STK32B: variants seen among roughly 807,000 people sequenced by gnomAD.
The protein encoded by STK32B is serine/threonine kinase 32B, also known as serine/threonine-protein kinase 32B.
STK32B carries 43 observed loss-of-function variants against 52.6 expected under a neutral mutation model. That is an observed-to-expected ratio of 0.82 (90% CI 0.64 to 1.05). STK32B has a LOEUF of 1.05. Among genes scored for constraint, STK32B ranks in the 50% least tolerant of loss-of-function variants. STK32B has a pLI of 0.00. For synonymous variants in STK32B, 238 were observed against 204.3 expected, an observed-to-expected ratio of 1.17 and a Z score of -1.41; for missense variants, 621 against 534.6, an observed-to-expected ratio of 1.16 and a Z score of -1.59.
At chr4:5,160,273 A>G (rs1453456639) in intron 2 of STK32B, among the ~76,000 whole-genome samples, 2 of 152,192 alleles carry the variant, frequency 1.3e-5, no homozygotes, top group East Asian at 3.9e-4. Flanking sequence ...TCACACAACC[A>G]TAATGAACCG....
At chr4:5,481,987 G>C (rs902042847) in intron 11 of STK32B, among the ~76,000 whole-genome samples, 1 of 152,198 alleles carries the variant, frequency 6.6e-6, no homozygotes, top group Non-Finnish European at 1.5e-5. Flanking sequence ...GGTTACTGTA[G>C]TCTTGTAGTA....
chr4:5,374,028 G>T (rs1735422404), intron 4 of STK32B, among the ~76,000 whole-genome samples: 2 of 152,204 alleles, frequency 1.3e-5, no homozygotes, highest in South Asian at 4.1e-4. Context: ...TAAATCCAAT[G>T]ACTGATGTCT....
At chr4:5,059,371 G>A (rs1453946907) in intron 1 of STK32B, among the ~76,000 whole-genome samples, 2 of 152,106 alleles carry the variant, frequency 1.3e-5, no homozygotes, top group Admixed American at 6.6e-5. Flanking sequence ...TTTATTGCAC[G>A]GAAGATGTTT....
chr4:5,214,566 G>T (rs1359384783), intron 3 of STK32B, among the ~76,000 whole-genome samples: 1 of 152,098 alleles, frequency 6.6e-6, no homozygotes, highest in African/African-American at 2.4e-5. Flanking sequence ...GGGTTTGTCT[G>T]TTCTGTTCCA....
chr4:5,390,224 G>T (rs958002399), intron 4 of STK32B, among the ~76,000 whole-genome samples: 1 of 152,228 alleles, frequency 6.6e-6, no homozygotes, highest in Non-Finnish European at 1.5e-5. Context: ...CACATGCCAA[G>T]TGCCTGGAAC....
At chr4:5,123,815 G>A (rs1274925556) in intron 1 of STK32B, among the ~76,000 whole-genome samples, 1 of 149,830 alleles carries the variant, frequency 6.7e-6, no homozygotes, top group Non-Finnish European at 1.5e-5. Flanking sequence ...AGTTTTGGGG[G>A]GATACAATTT....
chr4:5,402,064 T>C (rs1737328288), intron 5 of STK32B, among the ~76,000 whole-genome samples: 1 of 152,258 alleles, frequency 6.6e-6, no homozygotes, highest in African/African-American at 2.4e-5. Flanking sequence ...ATCTGCATGG[T>C]CTGCTCATGG....
intron 2 of STK32B, among the ~76,000 whole-genome samples, chr4:5,149,840 G>A (rs1184527395): frequency 6.6e-6 from 1 of 151,774 alleles, no homozygotes; most frequent in African/African-American, 2.4e-5. Context: ...GGAAAATCTA[G>A]GTTTCTCTCT....
chr4:5,446,288 G>A (rs543965171), intron 6 of STK32B, among the ~76,000 whole-genome samples: 3 of 152,294 alleles, frequency 2.0e-5, no homozygotes, highest in East Asian at 1.9e-4. Flanking sequence ...ATTTCTGACC[G>A]GATGCGATGG....
chr4:5,416,259 C>T (rs1348261003), intron 5 of STK32B, among the ~76,000 whole-genome samples: 1 of 152,060 alleles, frequency 6.6e-6, no homozygotes, highest in East Asian at 1.9e-4. Context: ...CTTCTCTTTC[C>T]CTTTTCCTTC....
intron 2 of STK32B, among the ~76,000 whole-genome samples, chr4:5,143,472 T>C (rs940935362): frequency 5.3e-5 from 8 of 152,140 alleles, no homozygotes; most frequent in Non-Finnish European, 1.2e-4. Flanking sequence ...ACTTCCTCCT[T>C]CTCACACTTC....
At chr4:5,247,286 C>G (rs112334616) in intron 3 of STK32B, among the ~76,000 whole-genome samples, 2,576 of 152,310 alleles carry the variant, frequency 0.017, 76 homozygotes, top group African/African-American at 0.058. Flanking sequence ...GTGCCCCTCC[C>G]CCAGCCTCAC....
At chr4:5,081,568 ATTCTTTTTT>A (rs1417475275) in intron 1 of STK32B, among the ~76,000 whole-genome samples, 1 of 150,882 alleles carries the variant, frequency 6.6e-6, no homozygotes, top group East Asian at 1.9e-4. Flanking sequence ...ATTCCTTTTC[ATTCTTTTTT>A]TTCTTTTTTC....
chr4:5,395,141 C>T lies in STK32B; in HGVS notation c.435-3066C>T, dbSNP rs1370030001. ...TCTTCCTCCCAGGGACAGCTACATT[C>T]CCCACCGTGTGGCTGGCTCCACACA... On this transcript the variant is annotated intron_variant, in intron 4 of 11. Transcript: ENST00000282908. This position sits in a 1 kb window ranked among gnomAD's most constrained non-coding sequence, Gnocchi z 4.4. Among the ~76,000 whole-genome samples the T allele has an allele frequency of 2.0e-5, 3 of 152,172 alleles. No homozygotes were observed. Among genetic ancestry groups the T allele is most frequent in the Admixed American group, 6.5e-5 (1 of 15,286 alleles).
At chr4:5,297,931 G>C (rs776867849) in intron 3 of STK32B, among the ~76,000 whole-genome samples, 2 of 152,136 alleles carry the variant, frequency 1.3e-5, no homozygotes, top group African/African-American at 2.4e-5. Flanking sequence ...ATCTACCTTT[G>C]ATCTTTGATG....
chr4:5,072,498 C>A (rs150825839), intron 1 of STK32B, among the ~76,000 whole-genome samples: 2 of 152,126 alleles, frequency 1.3e-5, no homozygotes, highest in African/African-American at 4.8e-5. Flanking sequence ...CATGTCCCTT[C>A]ACTCTCATCT....
intron 2 of STK32B, among the ~76,000 whole-genome samples, chr4:5,144,990 G>T (rs1179650667): frequency 6.6e-6 from 1 of 152,174 alleles, no homozygotes; most frequent in African/African-American, 2.4e-5. Flanking sequence ...AGCATGGTAG[G>T]GGAGGAACAC....
chr4:5,203,958 A>ACG (rs1289821867), intron 3 of STK32B: 1 of 152,270 alleles, frequency 6.6e-6, no homozygotes, highest in African/African-American at 2.4e-5. Flanking sequence ...GCATTGAGGT[A>ACG]CGAAGTCATA....
chr4:5,112,101 T>A (rs376664653), intron 1 of STK32B, among the ~76,000 whole-genome samples: 4 of 152,190 alleles, frequency 2.6e-5, no homozygotes, highest in South Asian at 4.1e-4. Context: ...ATCCCAGACA[T>A]TTCTCACCTG....
Sources: allele counts gnomAD v4.1 joint callset (sites outside exome capture counted in the v4.1 genomes callset), GRCh38; gene constraint gnomAD v4.1.1; non-coding constraint Gnocchi (gnomAD v3.1); transcripts MANE v1.5; gene names NCBI Gene and HGNC (gene_info 2026-07-23, HGNC 2026-07-21).